TRPC1: variants seen among roughly 807,000 people sequenced by gnomAD.
The protein encoded by TRPC1 is transient receptor potential cation channel subfamily C member 1.
TRPC1 carries 42 observed loss-of-function variants against 88.2 expected under a neutral mutation model. The observed-to-expected ratio is 0.48, with a 90% CI of 0.37 to 0.62. The LOEUF (loss-of-function observed/expected upper bound fraction) is 0.62, where lower values mean the gene tolerates loss of function less well. TRPC1 is among the 20% of genes least tolerant of loss of function. The probability of loss-of-function intolerance (pLI) is 0.00; values close to 1 mark genes in which losing one functional copy is unlikely to be tolerated. For synonymous variants in TRPC1, 288 were observed against 331.8 expected (o/e 0.87, Z 1.43); for missense variants, 699 against 957.3 (o/e 0.73, Z 3.56).
chr3:142,724,400 G>A lies in TRPC1; in HGVS notation c.-160G>A, dbSNP rs116738866. On this transcript the variant is annotated 5_prime_UTR_variant, in exon 1 of 13. Coordinates refer to ENST00000476941, the MANE Select transcript of TRPC1 (RefSeq NM_001251845.2). This position sits in a 1 kb window ranked among gnomAD's most constrained non-coding sequence, Gnocchi z 5.6. Reference sequence around the variant, plus strand: ...TGGAGGGCGAGTGCTGGTTCTCAGGGGAGGCGACGCCCTTCGGGGCCAACG... The same window carrying A: ...TGGAGGGCGAGTGCTGGTTCTCAGGAGAGGCGACGCCCTTCGGGGCCAACG... 8,910 of 590,036 alleles carry A rather than the reference G, an allele frequency of 0.015. 497 individuals are homozygous for A. Among genetic ancestry groups the A allele is most frequent in the African/African-American group, 0.13 (6,612 of 50,918 alleles). 36.6% of individuals were successfully genotyped at this position (590,036 alleles called of 1,614,324 possible).
At chr3:142,750,603 GAC>G (rs1374678339) in intron 4 of TRPC1, among the ~76,000 whole-genome samples, 6 of 152,146 alleles carry the variant, frequency 3.9e-5, no homozygotes, top group Non-Finnish European at 7.3e-5. Flanking sequence ...TTACTATAAA[GAC>G]ACATGCACAC....
chr3:142,750,439 A>C (rs1290537916), intron 4 of TRPC1, among the ~76,000 whole-genome samples: 1 of 152,226 alleles, frequency 6.6e-6, no homozygotes, highest in East Asian at 1.9e-4. Context: ...GGATGTGGAG[A>C]AATAGAAATG....
At chr3:142,780,501 T>G (rs991038187) in intron 5 of TRPC1, among the ~76,000 whole-genome samples, 3 of 152,222 alleles carry the variant, frequency 2.0e-5, no homozygotes, top group Non-Finnish European at 4.4e-5. Context: ...TAGCCAAGCT[T>G]ACAGAGAATA....
intron 4 of TRPC1, among the ~76,000 whole-genome samples, chr3:142,754,824 A>G (rs796107441): frequency 3.9e-5 from 6 of 152,298 alleles, no homozygotes; most frequent in African/African-American, 1.4e-4. Flanking sequence ...ACAGTCCTCA[A>G]TGAATATACA....
intron 9 of TRPC1, 92 bp from the exon 10 acceptor site, chr3:142,802,077 T>G: frequency 1.1e-6 from 1 of 880,578 alleles, no homozygotes; most frequent in Non-Finnish European, 1.6e-6. Context: ...GGATTATGTG[T>G]TTGTCTTCTT....
At chr3:142,774,017 C>G (rs1935673456) in intron 4 of TRPC1, among the ~76,000 whole-genome samples, 1 of 151,940 alleles carries the variant, frequency 6.6e-6, no homozygotes, top group Non-Finnish European at 1.5e-5. Context: ...TTATTGATGT[C>G]TGTGCTTTGT....
rs188203488 is a variant in TRPC1 at position 142,752,091 on chromosome 3, G to A, written c.632+3631G>A. 1.0e-3 allele frequency among the ~76,000 whole-genome samples: 156 copies of A among 152,270 alleles called. 2 individuals are homozygous for A. The highest frequency in any genetic ancestry group is 1.6e-3 in the Non-Finnish European group (106 of 68,028). ...CACACCTGTGGGTATTTCTAGTTGGGTGGGATGAGAGACGGAGAAAAGAAA... is the reference window on the plus strand; with the variant it reads ...CACACCTGTGGGTATTTCTAGTTGGATGGGATGAGAGACGGAGAAAAGAAA... On this transcript the variant is annotated intron_variant, in intron 4 of 12. Transcript: ENST00000476941.
chr3:142,778,649 C>T (rs1458182540), intron 5 of TRPC1, among the ~76,000 whole-genome samples: 1 of 152,094 alleles, frequency 6.6e-6, no homozygotes, highest in Non-Finnish European at 1.5e-5. Context: ...CTATTCCTAC[C>T]TTTTCTTTCC....
intron 5 of TRPC1, among the ~76,000 whole-genome samples, chr3:142,779,000 G>A (rs989563965): frequency 6.6e-6 from 1 of 152,086 alleles, no homozygotes; most frequent in African/African-American, 2.4e-5. Flanking sequence ...ATTAGCACAT[G>A]AGGCTGTTAA....
At chr3:142,755,812 T>C (rs1934940250) in intron 4 of TRPC1, among the ~76,000 whole-genome samples, 1 of 152,204 alleles carries the variant, frequency 6.6e-6, no homozygotes, top group Non-Finnish European at 1.5e-5. Flanking sequence ...AAATGGATGA[T>C]TTACAGTATG....
At chr3:142,740,312 T>A (rs538905847) in intron 2 of TRPC1, among the ~76,000 whole-genome samples, 1 of 152,224 alleles carries the variant, frequency 6.6e-6, no homozygotes, top group South Asian at 2.1e-4. Context: ...GTTCAGAAGC[T>A]AAGTAAAGCT....
intron 4 of TRPC1, among the ~76,000 whole-genome samples, chr3:142,760,169 C>T (rs1236285620): frequency 1.3e-5 from 2 of 152,180 alleles, no homozygotes; most frequent in African/African-American, 4.8e-5. Context: ...AAAATTGGCC[C>T]AGACCAGTGT....
At chr3:142,771,781 T>C (rs1209923258) in intron 4 of TRPC1, among the ~76,000 whole-genome samples, 2 of 152,208 alleles carry the variant, frequency 1.3e-5, no homozygotes, top group Non-Finnish European at 2.9e-5. Context: ...AATATTATTC[T>C]ATATAATTGC....
intron 2 of TRPC1, among the ~76,000 whole-genome samples, chr3:142,741,476 A>G (rs1454700012): frequency 6.6e-6 from 1 of 152,170 alleles, no homozygotes; most frequent in African/African-American, 2.4e-5. Context: ...ATGGTCTGAA[A>G]CTATTAACAT....
chr3:142,731,434 G>A (rs963999921), intron 1 of TRPC1, among the ~76,000 whole-genome samples: 5 of 130,620 alleles, frequency 3.8e-5, no homozygotes, highest in African/African-American at 1.5e-4. Flanking sequence ...GCCCAGGCTA[G>A]AGTGCAGTGG....
chr3:142,741,840 A>G (rs1934361687), intron 2 of TRPC1, among the ~76,000 whole-genome samples: 1 of 152,162 alleles, frequency 6.6e-6, no homozygotes, highest in Non-Finnish European at 1.5e-5. Flanking sequence ...AAGTAATGAC[A>G]TTACTATAGT....
At position 142,724,398 on chromosome 3, in the gene TRPC1, G is replaced by C; in HGVS notation, c.-162G>C. ...AGTGGAGGGCGAGTGCTGGTTCTCA[G>C]GGGAGGCGACGCCCTTCGGGGCCAA... On this transcript the variant is annotated 5_prime_UTR_variant, in exon 1 of 13. Coordinates refer to ENST00000476941, the MANE Select transcript of TRPC1 (RefSeq NM_001251845.2). This position sits in a 1 kb window ranked among gnomAD's most constrained non-coding sequence, Gnocchi z 5.6. 1 of 586,530 alleles carries C rather than the reference G, an allele frequency of 1.7e-6. No homozygotes were observed. 36.3% of individuals were successfully genotyped at this position (586,530 alleles called of 1,614,324 possible).
At chr3:142,736,704 A>G (rs1285128597) in intron 2 of TRPC1, among the ~76,000 whole-genome samples, 171 bp downstream of exon 2, 1 of 151,736 alleles carries the variant, frequency 6.6e-6, no homozygotes, top group East Asian at 1.9e-4. Flanking sequence ...GTTTTGAGGC[A>G]CTAAAAGTTT....
At chr3:142,753,511 A>G (rs1480949493) in intron 4 of TRPC1, among the ~76,000 whole-genome samples, 2 of 152,132 alleles carry the variant, frequency 1.3e-5, no homozygotes, top group African/African-American at 4.8e-5. Flanking sequence ...CACGCCTGTA[A>G]TCCTAGCACT....
Sources: gnomAD v4.1 joint callset for allele counts (sites outside exome capture counted in the v4.1 genomes callset) on GRCh38, gnomAD v4.1.1 for gene constraint, Gnocchi (gnomAD v3.1) non-coding constraint, MANE v1.5 for transcripts, NCBI Gene and HGNC (gene_info 2026-07-23, HGNC 2026-07-21) for gene names.